CDKAL1: variants seen among roughly 807,000 people sequenced by gnomAD.
The protein encoded by CDKAL1 is threonylcarbamoyladenosine tRNA methylthiotransferase.
In CDKAL1, 32 loss-of-function variants were observed where a neutral mutation model predicts 68.2. The observed-to-expected ratio is 0.47, with a 90% CI of 0.35 to 0.63. CDKAL1 has a LOEUF of 0.63. Among genes scored for constraint, CDKAL1 ranks in the 30% least tolerant of loss-of-function variants. CDKAL1 has a pLI of 0.00. For synonymous variants in CDKAL1, 234 were observed against 244.3 expected (o/e 0.96, Z 0.39); for missense variants, 606 against 696.7 (o/e 0.87, Z 1.47).
rs145101552 is a variant in CDKAL1, at chr6:20,896,238, C to A, written c.742+50060C>A. ...GCCTCAGCCTCCCGAGTAGCTGAGA[C>A]TACAGGCTCCGCCACCACACCCAGC... On this transcript the variant is annotated intron_variant, in intron 9 of 15. Coordinates refer to ENST00000274695, the MANE Select transcript of CDKAL1 (RefSeq NM_017774.3). 7.8e-3 allele frequency among the ~76,000 whole-genome samples: 1,178 copies of A among 151,590 alleles called. 13 individuals are homozygous for A. The highest frequency in any genetic ancestry group is 0.027 in the African/African-American group (1,127 of 41,338).
chr6:20,719,022 GAGA>G (rs1197774172), intron 5 of CDKAL1, among the ~76,000 whole-genome samples: 1 of 152,142 alleles, frequency 6.6e-6, no homozygotes, highest in Non-Finnish European at 1.5e-5. Flanking sequence ...TGAAGACTCA[GAGA>G]AGAAGATTTG....
At chr6:21,219,166 C>G (rs1779444676) in intron 15 of CDKAL1, among the ~76,000 whole-genome samples, 1 of 152,134 alleles carries the variant, frequency 6.6e-6, no homozygotes, top group Non-Finnish European at 1.5e-5. Context: ...ACAGTCATCT[C>G]TTGGTATCTG....
chr6:20,684,703 T>C (rs929865709), intron 5 of CDKAL1, among the ~76,000 whole-genome samples: 1 of 149,892 alleles, frequency 6.7e-6, no homozygotes, highest in African/African-American at 2.6e-5. Context: ...TGTTCTGGAT[T>C]TGGCCATTGT....
intron 11 of CDKAL1, among the ~76,000 whole-genome samples, chr6:21,015,957 A>G (rs1043312447): frequency 6.6e-6 from 1 of 151,804 alleles, no homozygotes; most frequent in African/African-American, 2.4e-5. Context: ...CAAAAAAAAA[A>G]AAAAAAGAAA....
At chr6:20,658,554 T>C (rs989545033) in intron 5 of CDKAL1, among the ~76,000 whole-genome samples, 11 of 130,156 alleles carry the variant, frequency 8.5e-5, no homozygotes, top group African/African-American at 3.8e-4. Flanking sequence ...TTATTCCTAT[T>C]ATGAAAATAT....
intron 8 of CDKAL1, among the ~76,000 whole-genome samples, chr6:20,803,979 GT>G (rs1209308767): frequency 6.6e-6 from 1 of 150,538 alleles, no homozygotes; most frequent in Admixed American, 6.6e-5. Flanking sequence ...TTTTGGTCCT[GT>G]TTAGGGAAAA....
intron 7 of CDKAL1, among the ~76,000 whole-genome samples, chr6:20,774,167 T>C (rs933214741): frequency 6.6e-6 from 1 of 152,100 alleles, no homozygotes; most frequent in African/African-American, 2.4e-5. Flanking sequence ...GAATGAAGTA[T>C]TGAAGAAAAG....
At chr6:21,212,600 T>C (rs577537203) in intron 15 of CDKAL1, among the ~76,000 whole-genome samples, 81 of 152,334 alleles carry the variant, frequency 5.3e-4, no homozygotes, top group African/African-American at 1.9e-3. Flanking sequence ...GCATTGTACC[T>C]AAAATAATAG....
chr6:21,114,247 C>CA (rs55859447), intron 13 of CDKAL1, among the ~76,000 whole-genome samples: 1,587 of 101,456 alleles, frequency 0.016, 21 homozygotes, highest in Non-Finnish European at 0.023. Context: ...GACTCTGTCT[C>CA]AAAAAAAAAA....
intron 5 of CDKAL1, among the ~76,000 whole-genome samples, chr6:20,730,046 A>G (rs886539101): frequency 3.9e-5 from 6 of 152,182 alleles, no homozygotes; most frequent in African/African-American, 7.2e-5. Flanking sequence ...TTGGCCTGGC[A>G]CAGTGGCTCA....
At chr6:20,694,686 T>C (rs1771035996) in intron 5 of CDKAL1, among the ~76,000 whole-genome samples, 1 of 152,210 alleles carries the variant, frequency 6.6e-6, no homozygotes, top group South Asian at 2.1e-4. Flanking sequence ...TTGTCACTGC[T>C]TTCCCCCTCA....
intron 10 of CDKAL1, among the ~76,000 whole-genome samples, chr6:20,994,598 C>A (rs376905307): frequency 5.9e-5 from 9 of 152,188 alleles, no homozygotes; most frequent in African/African-American, 1.9e-4. Flanking sequence ...TACAGGCATA[C>A]CTCAGAGATA....
At chr6:21,070,065 C>T (rs906559985) in intron 12 of CDKAL1, among the ~76,000 whole-genome samples, 1 of 152,078 alleles carries the variant, frequency 6.6e-6, no homozygotes, top group Non-Finnish European at 1.5e-5. Context: ...GCTGGGATTA[C>T]AGGCATGAGC....
rs114226946 is a variant in CDKAL1, at chr6:20,770,176, T to C, written c.518-10969T>C. Among the ~76,000 whole-genome samples, 1,407 of 152,276 alleles carry C rather than the reference T, an allele frequency of 9.2e-3. 28 individuals are homozygous for C. The highest frequency in any genetic ancestry group is 0.049 in the South Asian group (237 of 4,822). ...TAATAAAGATACGCTTAATTTTTTA[T>C]AGAAAATTCTGAGTATACTGTTTGA... is the stretch of plus-strand genomic sequence containing the variant. On this transcript the variant is annotated intron_variant, in intron 7 of 15. Coordinates refer to ENST00000274695, the MANE Select transcript of CDKAL1 (RefSeq NM_017774.3).
intron 12 of CDKAL1, among the ~76,000 whole-genome samples, chr6:21,070,060 G>C (rs1046817722): frequency 5.3e-5 from 8 of 152,040 alleles, no homozygotes; most frequent in South Asian, 2.1e-4. Flanking sequence ...AAAGTGCTGG[G>C]ATTACAGGCA....
At chr6:20,646,344 T>C (rs1016835215) in intron 4 of CDKAL1, among the ~76,000 whole-genome samples, 3 of 151,510 alleles carry the variant, frequency 2.0e-5, no homozygotes, top group African/African-American at 7.3e-5. Context: ...TGTGAGCCAC[T>C]GCACCTGGCC....
chr6:20,678,109 T>C (rs1383406511), intron 5 of CDKAL1, among the ~76,000 whole-genome samples: 1 of 151,490 alleles, frequency 6.6e-6, no homozygotes, highest in Non-Finnish European at 1.5e-5. Context: ...TTTTTGACTC[T>C]ATTTAAGTCT....
chr6:21,027,162 T>C (rs1769009202), intron 11 of CDKAL1, among the ~76,000 whole-genome samples: 1 of 151,536 alleles, frequency 6.6e-6, no homozygotes, highest in South Asian at 2.1e-4. Flanking sequence ...GCTGAAGGGG[T>C]TGTAGTGTTT....
At chr6:21,111,652 A>G (rs944731626) in intron 13 of CDKAL1, among the ~76,000 whole-genome samples, 8 of 152,256 alleles carry the variant, frequency 5.3e-5, no homozygotes, top group African/African-American at 1.7e-4. Flanking sequence ...CAAAAAGCAA[A>G]TAAAGCTAGG....
Sources: gnomAD v4.1 joint callset for allele counts (sites outside exome capture counted in the v4.1 genomes callset) on GRCh38, gnomAD v4.1.1 for gene constraint, MANE v1.5 for transcripts, NCBI Gene and HGNC (gene_info 2026-07-23, HGNC 2026-07-21) for gene names.